CEMIP2: variants seen among roughly 807,000 people sequenced by gnomAD.
The protein encoded by CEMIP2 is cell surface hyaluronidase CEMIP2.
In CEMIP2, 79 loss-of-function variants were observed where a neutral mutation model predicts 146.9. The ratio of observed to expected loss-of-function variants is 0.54; its 90% CI spans 0.45 to 0.65. The LOEUF (loss-of-function observed/expected upper bound fraction) is 0.65, where lower values mean the gene tolerates loss of function less well. CEMIP2 is among the 30% of genes least tolerant of loss of function. CEMIP2 has a pLI of 0.00. For synonymous variants in CEMIP2, 601 were observed against 606.3 expected (o/e 0.99, Z 0.13); for missense variants, 1,596 against 1,696.2 (o/e 0.94, Z 1.04).
intron 4 of CEMIP2, among the ~76,000 whole-genome samples, chr9:71,743,350 A>AG (rs1823978407): frequency 6.6e-6 from 1 of 152,158 alleles, no homozygotes; most frequent in Non-Finnish European, 1.5e-5. Flanking sequence ...GTGGCTACAC[A>AG]GGCATCACAT....
At chr9:71,755,585 A>G (rs1265215941) in intron 1 of CEMIP2, among the ~76,000 whole-genome samples, 1 of 152,106 alleles carries the variant, frequency 6.6e-6, no homozygotes. Context: ...AAGGAGAGGC[A>G]TGATTTTAAT....
In CEMIP2 at chr9:71,762,514, A is replaced by C. The variant is rs576109749; in HGVS notation, c.-13+5843T>G. ...GCCAGCCCCGTCACCAAAAAAAAAA[A>C]AAAAAAAAAAAACTGGCTAGCAGCA... On this transcript the variant is annotated intron_variant, in intron 1 of 23. Coordinates refer to ENST00000377044, the MANE Select transcript of CEMIP2 (RefSeq NM_013390.3). Among the ~76,000 whole-genome samples the C allele has an allele frequency of 9.9e-5, 15 of 151,078 alleles. No individual in the cohort carries two copies. The East Asian group carries it at 1.9e-3, about 20-fold the overall frequency.
Position 71,736,772 on chromosome 9 carries a change from T to C in CEMIP2, c.1205-1778A>G, listed in dbSNP as rs150013975. ...CATGAAATAGATGAGAACTACTTCA[T>C]AACACTGACAGAGAAGGAAAACATG... On this transcript the variant is annotated intron_variant, in intron 5 of 23. Coordinates refer to ENST00000377044, the MANE Select transcript of CEMIP2 (RefSeq NM_013390.3). 1.8e-3 allele frequency among the ~76,000 whole-genome samples: 281 copies of C among 152,336 alleles called. 2 individuals carry two copies. The highest frequency in any genetic ancestry group is 6.5e-3 in the African/African-American group (272 of 41,566).
At chr9:71,741,185 ATTTTTTTT>A (rs79872255) in intron 4 of CEMIP2, among the ~76,000 whole-genome samples, 4 of 72,206 alleles carry the variant, frequency 5.5e-5, no homozygotes, top group Non-Finnish European at 1.0e-4. Flanking sequence ...ACTGAGTTAG[ATTTTTTTT>A]TTTTTTTTTT....
At chr9:71,735,961 G>A (rs1383925356) in intron 5 of CEMIP2, among the ~76,000 whole-genome samples, 1 of 152,056 alleles carries the variant, frequency 6.6e-6, no homozygotes, top group Admixed American at 6.5e-5. Flanking sequence ...GGGCATGGTG[G>A]CACACGCTTG....
chr9:71,761,153 G>A (rs1824623389), intron 1 of CEMIP2, among the ~76,000 whole-genome samples: 1 of 152,222 alleles, frequency 6.6e-6, no homozygotes, highest in Non-Finnish European at 1.5e-5. Flanking sequence ...CAAAGTCGAA[G>A]TCTGTCCTGA....
Position 71,718,065 on chromosome 9 carries a change from T to C in CEMIP2, c.2282A>G (p.Gln761Arg), listed in dbSNP as rs1432898282. Residue 761 changes from glutamine to arginine, a missense_variant, in exon 13 of 24, where the codon CAG becomes CGG. Coordinates refer to ENST00000377044, the MANE Select transcript of CEMIP2 (RefSeq NM_013390.3). ...ACGTGGTTTTTCGGGGTTTGCATCC[T>C]GATGAGGTCGAAATCTAGGGGTTAA... Reference protein sequence around the residue: ...LDNSARFRPHQDANPEKPRVA... With the variant: ...LDNSARFRPHRDANPEKPRVA... 6.2e-7 allele frequency: 1 copy of C among 1,609,426 alleles called. No homozygotes were observed. Among genetic ancestry groups the C allele is most frequent in the Non-Finnish European group, 8.5e-7 (1 of 1,177,740 alleles).
intron 12 of CEMIP2, among the ~76,000 whole-genome samples, chr9:71,720,731 C>T (rs1025159795): frequency 1.3e-5 from 2 of 152,178 alleles, no homozygotes; most frequent in African/African-American, 2.4e-5. Flanking sequence ...GTCTAAATTG[C>T]ATGAATATAT....
chr9:71,747,384 T>G (rs924441526), intron 2 of CEMIP2, among the ~76,000 whole-genome samples: 2 of 152,146 alleles, frequency 1.3e-5, no homozygotes, highest in Non-Finnish European at 2.9e-5. Context: ...TCAAAAGACC[T>G]CAGGCAAAGG....
chr9:71,762,295 C>T (rs1422807243), intron 1 of CEMIP2, among the ~76,000 whole-genome samples: 1 of 152,014 alleles, frequency 6.6e-6, no homozygotes, highest in Admixed American at 6.5e-5. Context: ...ACTAGAGTGG[C>T]AGCTGGACTT....
intron 4 of CEMIP2, among the ~76,000 whole-genome samples, chr9:71,744,787 T>G (rs1824025257): frequency 6.6e-6 from 1 of 152,162 alleles, no homozygotes; most frequent in African/African-American, 2.4e-5. Context: ...TTTTCACAAG[T>G]CTGGCACTCC....
In CEMIP2 at chr9:71,755,086, A is replaced by G. The variant is rs375268933; in HGVS notation, c.-12-4701T>C. Among the ~76,000 whole-genome samples, 7 of 152,240 alleles carry G rather than the reference A, an allele frequency of 4.6e-5. No individual in the cohort carries two copies. The East Asian group carries it at 9.6e-4, about 21-fold the overall frequency. Reference sequence around the variant, plus strand: ...GCAGTTCAAAGTGAGAGAGACTTGTATAATTGGTAAGAGCATCCACTTTAT... The same window carrying G: ...GCAGTTCAAAGTGAGAGAGACTTGTGTAATTGGTAAGAGCATCCACTTTAT... On this transcript the variant is annotated intron_variant, in intron 1 of 23. Coordinates refer to ENST00000377044, the MANE Select transcript of CEMIP2 (RefSeq NM_013390.3).
chr9:71,753,289 T>G (rs986903678), intron 1 of CEMIP2, among the ~76,000 whole-genome samples: 1 of 151,634 alleles, frequency 6.6e-6, no homozygotes, highest in Non-Finnish European at 1.5e-5. Flanking sequence ...GGGGCGGGGG[T>G]CTTTGGTGGG....
At chr9:71,714,800 T>A in intron 15 of CEMIP2, 134 bp downstream of exon 15, 1 of 819,174 alleles carries the variant, frequency 1.2e-6, no homozygotes, top group Non-Finnish European at 1.8e-6. Context: ...GCAGTAGTAG[T>A]AATAAATGAT....
At chr9:71,714,219 T>TA in intron 15 of CEMIP2, among the ~76,000 whole-genome samples, 1 of 152,342 alleles carries the variant, frequency 6.6e-6, no homozygotes, top group Non-Finnish European at 1.5e-5. Flanking sequence ...ATGTGAGGCC[T>TA]AAAAACACTG....
At chr9:71,712,331 A>G (rs1486915000) in intron 15 of CEMIP2, 71 bp from the exon 16 acceptor site, 1 of 1,467,082 alleles carries the variant, frequency 6.8e-7, no homozygotes. Flanking sequence ...TACTTGTTTT[A>G]TGAAGACAGC....
intron 6 of CEMIP2, 55 bp from the exon 7 acceptor site, chr9:71,732,575 C>G: frequency 1.4e-6 from 2 of 1,462,622 alleles, no homozygotes; most frequent in Non-Finnish European, 1.8e-6. Flanking sequence ...AAACATGAAA[C>G]TCACTTCAAA....
At chr9:71,716,692 C>T (rs1823066735) in intron 13 of CEMIP2, 140 bp from the exon 14 acceptor site, 1 of 579,524 alleles carries the variant, frequency 1.7e-6, no homozygotes, top group Admixed American at 3.7e-5. Context: ...AATTTGATTT[C>T]ACAATAACTA....
At position 71,768,479 on chromosome 9, in the gene CEMIP2, T is replaced by C. The variant is rs538725508; in HGVS notation, c.-135A>G. ...TCTCCATGGCCAGGAAGCCACTCGA[T>C]TGCCGGCGCCCGCAGCTGCCGCTCG... On this transcript the variant is annotated 5_prime_UTR_variant, in exon 1 of 24. Coordinates refer to ENST00000377044, the MANE Select transcript of CEMIP2 (RefSeq NM_013390.3). 20 of 152,578 alleles carry C rather than the reference T, an allele frequency of 1.3e-4. No homozygotes were observed. Among genetic ancestry groups the C allele is most frequent in the African/African-American group, 4.1e-4 (17 of 41,588 alleles). 9.5% of individuals were successfully genotyped at this position (152,578 alleles called of 1,614,324 possible).
Sources: gnomAD v4.1 joint callset for allele counts (sites outside exome capture counted in the v4.1 genomes callset) on GRCh38, gnomAD v4.1.1 for gene constraint, MANE v1.5 for transcripts, NCBI Gene and HGNC (gene_info 2026-07-23, HGNC 2026-07-21) for gene names.